Variants in SULF1 observed in about 807,000 individuals in gnomAD.
SULF1 encodes sulfatase 1.
In SULF1, 46 loss-of-function variants were observed where a neutral mutation model predicts 110.5. That is an observed-to-expected ratio of 0.42 (90% CI 0.33 to 0.53). The LOEUF (loss-of-function observed/expected upper bound fraction) is 0.53. Ranked by LOEUF, SULF1 falls within the 20% of genes least tolerant of loss-of-function variation. The pLI, the probability that SULF1 is intolerant of heterozygous loss-of-function variation, is 0.12. For synonymous variants in SULF1, 371 were observed against 387.1 expected, an observed-to-expected ratio of 0.96 and a Z score of 0.49; for missense variants, 941 against 1,094.2, an observed-to-expected ratio of 0.86 and a Z score of 1.98.
chr8:69,579,903 A>G (rs1285761193), intron 6 of SULF1, among the ~76,000 whole-genome samples: 1 of 152,212 alleles, frequency 6.6e-6, no homozygotes, highest in African/African-American at 2.4e-5. Flanking sequence ...TTAGCTACAA[A>G]CCTAAGAAAA....
At chr8:69,627,173 A>G in intron 15 of SULF1, 37 bp from the exon 16 acceptor site, 1 of 1,485,294 alleles carries the variant, frequency 6.7e-7, no homozygotes, top group Admixed American at 1.7e-5. Context: ...CTATTAGAAT[A>G]TAAACCTATT....
In SULF1 at chr8:69,624,070, A is replaced by G. The variant is rs779582939; in HGVS notation, c.1723A>G (p.Lys575Glu). 1.4e-5 allele frequency: 22 copies of G among 1,614,224 alleles called. No homozygotes were observed. The highest frequency in any genetic ancestry group is 1.9e-5 in the Non-Finnish European group (22 of 1,180,052). ...AGTGTTGCAACCAAGAAACATTGCT[A>G]AGCGTCATGATGAAGGCCACAAGGG... is the stretch of plus-strand genomic sequence containing the variant. ...LQVLQPRNIAKRHDEGHKGPR... is the reference protein window; with the variant it reads ...LQVLQPRNIAERHDEGHKGPR... Residue 575 changes from lysine (K) to glutamate (E), a missense_variant, in exon 15 of 23, where the codon AAG becomes GAG. Physicochemically the swap from Lys to Glu is moderately conservative, Grantham distance 56. Coordinates refer to ENST00000402687, the MANE Select transcript of SULF1 (RefSeq NM_001128205.2).
At chr8:69,633,998 A>G (rs1167366823) in intron 19 of SULF1, among the ~76,000 whole-genome samples, 1 of 152,206 alleles carries the variant, frequency 6.6e-6, no homozygotes, top group Non-Finnish European at 1.5e-5. Context: ...TTTTTAATGT[A>G]TGTAGATGTG....
chr8:69,561,025 A>G (rs1194077862), intron 3 of SULF1, among the ~76,000 whole-genome samples: 1 of 152,218 alleles, frequency 6.6e-6, no homozygotes, highest in Non-Finnish European at 1.5e-5. Flanking sequence ...GTGAGACAGG[A>G]GGAATAAACA....
intron 3 of SULF1, among the ~76,000 whole-genome samples, chr8:69,538,063 G>T (rs1197953542): frequency 6.6e-6 from 1 of 151,310 alleles, no homozygotes; most frequent in African/African-American, 2.4e-5. Context: ...CGGGGTTCAC[G>T]CCATTCCCCT....
intron 3 of SULF1, among the ~76,000 whole-genome samples, chr8:69,505,196 A>T (rs905065057): frequency 6.6e-6 from 1 of 152,234 alleles, no homozygotes; most frequent in African/African-American, 2.4e-5. Flanking sequence ...AGAAGACACC[A>T]AAAGGACAAT....
intron 3 of SULF1, among the ~76,000 whole-genome samples, chr8:69,561,428 G>A (rs982156121): frequency 6.6e-6 from 1 of 152,064 alleles, no homozygotes; most frequent in African/African-American, 2.4e-5. Context: ...TTATACAAAG[G>A]TATCATTAAA....
intron 5 of SULF1, among the ~76,000 whole-genome samples, chr8:69,572,850 C>A (rs1416163824): frequency 1.3e-5 from 2 of 152,178 alleles, no homozygotes; most frequent in Non-Finnish European, 2.9e-5. Flanking sequence ...TTTTATGAGA[C>A]AGAGTCTCGC....
At chr8:69,551,248 TG>T (rs1358168494) in intron 3 of SULF1, among the ~76,000 whole-genome samples, 1 of 152,232 alleles carries the variant, frequency 6.6e-6, no homozygotes, top group African/African-American at 2.4e-5. Context: ...CTGGGAGTGT[TG>T]AACCTATCTT....
intron 19 of SULF1, among the ~76,000 whole-genome samples, chr8:69,636,305 G>A (rs185388936): frequency 1.3e-5 from 2 of 152,192 alleles, no homozygotes; most frequent in African/African-American, 4.8e-5. Context: ...GGGAGGCCGA[G>A]ATGGGCAGAT....
intron 3 of SULF1, among the ~76,000 whole-genome samples, chr8:69,512,722 C>G (rs946823306): frequency 6.6e-5 from 10 of 151,940 alleles, no homozygotes; most frequent in Non-Finnish European, 1.5e-4. Flanking sequence ...TTCACCTCCC[C>G]CCTCTTAACT....
At chr8:69,566,984 GA>G (rs1815926834) in intron 5 of SULF1, among the ~76,000 whole-genome samples, 2 of 152,314 alleles carry the variant, frequency 1.3e-5, no homozygotes, top group South Asian at 4.1e-4. Flanking sequence ...AGTAAATTGT[GA>G]AACCCAGACC....
chr8:69,625,608 G>A (rs139139519), intron 15 of SULF1, among the ~76,000 whole-genome samples: 1,784 of 152,284 alleles, frequency 0.012, 10 homozygotes, highest in Middle Eastern at 0.034. Flanking sequence ...TTAAGGCAGC[G>A]CGTCTGGAGT....
At position 69,659,214 on chromosome 8, in the gene SULF1, T is replaced by A; in HGVS notation, c.*679T>A. 1 of 456,642 alleles carries A rather than the reference T, an allele frequency of 2.2e-6. No individual in the cohort carries two copies. Among genetic ancestry groups the A allele is most frequent in the South Asian group, 1.5e-5 (1 of 64,534 alleles). 28.3% of individuals were successfully genotyped at this position (456,642 alleles called of 1,614,324 possible). Reference sequence around the variant, plus strand: ...CCATGGCCACCGCAGAACACCGAAGTAATTCCAGCATAGCGGGGAAGATGT... The same window carrying A: ...CCATGGCCACCGCAGAACACCGAAGAAATTCCAGCATAGCGGGGAAGATGT... On this transcript the variant is annotated 3_prime_UTR_variant, in exon 23 of 23. Transcript: ENST00000402687.
chr8:69,638,884 T>G (rs1811253466), intron 21 of SULF1, 26 bp downstream of exon 21: 1 of 1,591,518 alleles, frequency 6.3e-7, no homozygotes, highest in African/African-American at 1.4e-5. Flanking sequence ...CTATTTTTTC[T>G]ATTTTACCTG....
chr8:69,503,950 C>T (rs1810987236), intron 3 of SULF1, among the ~76,000 whole-genome samples: 1 of 152,042 alleles, frequency 6.6e-6, no homozygotes, highest in Non-Finnish European at 1.5e-5. Flanking sequence ...CAGACACGTG[C>T]CACCACGCCT....
intron 3 of SULF1, among the ~76,000 whole-genome samples, chr8:69,552,361 T>C (rs2150695387): frequency 6.6e-6 from 1 of 152,318 alleles, no homozygotes; most frequent in South Asian, 2.1e-4. Context: ...GTCAGTAAGT[T>C]GTCAAGGAAT....
intron 6 of SULF1, among the ~76,000 whole-genome samples, chr8:69,582,329 C>T (rs556739807): frequency 2.6e-5 from 4 of 152,240 alleles, no homozygotes; most frequent in South Asian, 2.1e-4. Context: ...AACTCTAGTG[C>T]GAGATTTCCT....
chr8:69,514,013 T>C (rs1811750764), intron 3 of SULF1, among the ~76,000 whole-genome samples: 2 of 152,224 alleles, frequency 1.3e-5, no homozygotes, highest in Non-Finnish European at 2.9e-5. Context: ...TTGTGTAACC[T>C]TGGTCAAGTC....
Sources: allele counts gnomAD v4.1 joint callset (sites outside exome capture counted in the v4.1 genomes callset), GRCh38; gene constraint gnomAD v4.1.1; transcripts MANE v1.5; gene names NCBI Gene and HGNC (gene_info 2026-07-23, HGNC 2026-07-21).